Variants in SLCO1A2 observed in about 807,000 individuals in gnomAD.
SLCO1A2 encodes solute carrier organic anion transporter family member 1A2.
In SLCO1A2, 67 loss-of-function variants were observed where a neutral mutation model predicts 69.0. The observed-to-expected ratio is 0.97, with a 90% CI of 0.80 to 1.19. The LOEUF (loss-of-function observed/expected upper bound fraction) is 1.19. SLCO1A2 is among the 50% of genes most tolerant of loss of function. The probability of loss-of-function intolerance (pLI) is 0.00; values close to 1 mark genes in which losing one functional copy is unlikely to be tolerated. For missense variants in SLCO1A2, 787 were observed against 793.7 expected (o/e 0.99, Z 0.10); for synonymous variants, 260 against 265.9 (o/e 0.98, Z 0.22).
At chr12:21,385,145 T>C (rs992020113) in intron 1 of SLCO1A2, among the ~76,000 whole-genome samples, 23 of 152,190 alleles carry the variant, frequency 1.5e-4, no homozygotes, top group Admixed American at 1.5e-3. Flanking sequence ...ATGAAACCTC[T>C]GCAATTGAAA....
intron 1 of SLCO1A2, among the ~76,000 whole-genome samples, chr12:21,380,423 C>G (rs1327975720): frequency 6.6e-6 from 1 of 152,124 alleles, no homozygotes; most frequent in Non-Finnish European, 1.5e-5. Context: ...TAGAGTGACT[C>G]TATAACACAA....
chr12:21,328,194 A>G (rs1055472171), intron 2 of SLCO1A2, among the ~76,000 whole-genome samples: 2 of 152,100 alleles, frequency 1.3e-5, no homozygotes, highest in African/African-American at 4.8e-5. Flanking sequence ...GAGTCCATTA[A>G]ACCCCTTTTT....
At chr12:21,300,307 TA>T in intron 8 of SLCO1A2, 40 bp downstream of exon 8, 1 of 1,401,976 alleles carries the variant, frequency 7.1e-7, no homozygotes, top group Non-Finnish European at 9.9e-7. Context: ...CTATATGAAA[TA>T]AAAGGTCAAT....
At chr12:21,334,530 T>C in intron 2 of SLCO1A2, 58 bp downstream of exon 2, 1 of 1,251,086 alleles carries the variant, frequency 8.0e-7, no homozygotes, top group Non-Finnish European at 1.2e-6. Context: ...TTACCAGGAC[T>C]GTCGTATTTT....
chr12:21,334,603 A>G lies in SLCO1A2; in HGVS notation c.45T>C (p.Cys15=). 6.2e-7 allele frequency: 1 copy of G among 1,610,100 alleles called. No homozygotes were observed. Among genetic ancestry groups the G allele is most frequent in the South Asian group, 1.1e-5 (1 of 90,660 alleles). Residue 15 remains cysteine (C), a synonymous_variant, in exon 2 of 15, where the codon TGT becomes TGC. Transcript: ENST00000683939. ...EKRIETHRIR[C]LSKLKMFLLA... is the part of the protein sequence containing the mutation. Reference sequence around the variant, plus strand: ...AATTCCATACCTTCAACTTGGAAAGACATCTTATTCTATGGGTTTCAATTC... The same window carrying G: ...AATTCCATACCTTCAACTTGGAAAGGCATCTTATTCTATGGGTTTCAATTC...
intron 12 of SLCO1A2, among the ~76,000 whole-genome samples, chr12:21,291,943 A>G (rs1197992549): frequency 6.6e-6 from 1 of 152,182 alleles, no homozygotes; most frequent in Non-Finnish European, 1.5e-5. Context: ...GAAATAAGGA[A>G]GAAAAGTAGC....
chr12:21,272,711 C>T (rs1326121994), intron 14 of SLCO1A2, among the ~76,000 whole-genome samples: 3 of 151,846 alleles, frequency 2.0e-5, no homozygotes, highest in Non-Finnish European at 4.4e-5. Flanking sequence ...TTGAAAAGTC[C>T]AATATAAAAA....
chr12:21,349,561 T>C (rs1937763543), intron 2 of SLCO1A2, among the ~76,000 whole-genome samples: 1 of 152,174 alleles, frequency 6.6e-6, no homozygotes, highest in Non-Finnish European at 1.5e-5. Context: ...ATCAGAATTA[T>C]CTTCTTAAAA....
intron 13 of SLCO1A2, chr12:21,274,971 A>G: frequency 9.7e-7 from 1 of 1,028,686 alleles, no homozygotes; most frequent in South Asian, 4.0e-5. Context: ...CTTTTCAAGT[A>G]AAAGAGATTC....
chr12:21,309,462 G>A (rs965947794), intron 4 of SLCO1A2, among the ~76,000 whole-genome samples: 44 of 152,186 alleles, frequency 2.9e-4, no homozygotes, highest in African/African-American at 9.4e-4. Flanking sequence ...AGATTAGAAC[G>A]GCATAGGATT....
chr12:21,397,341 C>A (rs1591916323), upstream of SLCO1A2, among the ~76,000 whole-genome samples: 1 of 152,108 alleles, frequency 6.6e-6, no homozygotes, highest in African/African-American at 2.4e-5. Flanking sequence ...AATATATGTG[C>A]ACCCAATACA....
At chr12:21,409,962 A>G (rs1941881204) in intron 1 of SLCO1A2, among the ~76,000 whole-genome samples, 1 of 152,160 alleles carries the variant, frequency 6.6e-6, no homozygotes, top group Non-Finnish European at 1.5e-5. Flanking sequence ...AAAATGTGGA[A>G]AGTAAGCTCT....
intron 2 of SLCO1A2, among the ~76,000 whole-genome samples, chr12:21,369,265 T>G (rs925157722): frequency 2.0e-5 from 3 of 152,216 alleles, no homozygotes; most frequent in Non-Finnish European, 4.4e-5. Flanking sequence ...ATTCATGTCA[T>G]TGTCAAAGCA....
At chr12:21,392,421 C>T (rs562477732) in intron 1 of SLCO1A2, among the ~76,000 whole-genome samples, 2 of 152,264 alleles carry the variant, frequency 1.3e-5, no homozygotes, top group Non-Finnish European at 2.9e-5. Flanking sequence ...CTTAAATTTC[C>T]TAAGTATGAA....
In SLCO1A2 at chr12:21,378,155, A is replaced by G. The variant is rs546093081; in HGVS notation, c.-189-3630T>C. The stretch of plus-strand genomic sequence containing the variant: ...AAAATTGTTTCTTTGGTTTTCATCA[A>G]TACAAGATATTTGATGTCACATGGC... On this transcript the variant is annotated intron_variant, in intron 1 of 15. Coordinates refer to the SLCO1A2 transcript ENST00000307378. The G allele has an allele frequency of 4.7e-5, 60 of 1,284,064 alleles. No homozygotes were observed. In the African/African-American group the frequency reaches 7.5e-4, roughly 16 times the overall value. 79.5% of individuals were successfully genotyped at this position (1,284,064 alleles called of 1,614,324 possible).
chr12:21,334,798 A>T (rs1444542214), intron 1 of SLCO1A2, 29 bp downstream of exon 1: 6 of 610,504 alleles, frequency 9.8e-6, no homozygotes, highest in Non-Finnish European at 1.7e-5. Flanking sequence ...TGAACAACAT[A>T]ATTGAAATCC....
At chr12:21,408,832 T>C (rs541516619) in intron 1 of SLCO1A2, among the ~76,000 whole-genome samples, 2 of 151,846 alleles carry the variant, frequency 1.3e-5, no homozygotes, top group African/African-American at 2.4e-5. Flanking sequence ...TCCTAACAAA[T>C]AGGATGGAGA....
intron 12 of SLCO1A2, among the ~76,000 whole-genome samples, chr12:21,281,686 G>A (rs564922261): frequency 6.6e-5 from 10 of 151,794 alleles, no homozygotes; most frequent in Non-Finnish European, 1.3e-4. Flanking sequence ...AAAGAGAGAA[G>A]ACTCAAATAA....
chr12:21,344,742 A>G (rs1364429225), intron 2 of SLCO1A2, among the ~76,000 whole-genome samples: 2 of 152,126 alleles, frequency 1.3e-5, no homozygotes, highest in Non-Finnish European at 2.9e-5. Context: ...TTCAATGTTA[A>G]CAATGCATTT....
Sources: gnomAD v4.1 joint callset for allele counts (sites outside exome capture counted in the v4.1 genomes callset) on GRCh38, gnomAD v4.1.1 for gene constraint, MANE v1.5 for transcripts, NCBI Gene and HGNC (gene_info 2026-07-23, HGNC 2026-07-21) for gene names.